The following GANC variants were observed in gnomAD, a reference collection of about 807,000 sequenced individuals.
GANC encodes neutral alpha-glucosidase C.
A neutral mutation model predicts 124.2 loss-of-function variants in GANC; 117 were observed. The ratio of observed to expected loss-of-function variants is 0.94; its 90% CI spans 0.81 to 1.10. The LOEUF (loss-of-function observed/expected upper bound fraction) is 1.10, where lower values mean the gene tolerates loss of function less well. Among genes scored for constraint, GANC ranks in the 50% least tolerant of loss-of-function variants. The pLI is 0.00. For synonymous variants in GANC, 377 were observed against 376.8 expected (o/e 1.00, Z -0.01); for missense variants, 1,140 against 1,095.0 (o/e 1.04, Z -0.58).
At chr15:42,285,794 C>G (rs1491000592) in intron 3 of GANC, among the ~76,000 whole-genome samples, 2 of 152,024 alleles carry the variant, frequency 1.3e-5, no homozygotes, top group Non-Finnish European at 2.9e-5. Context: ...GACTCCATCT[C>G]AAAATAAATA....
At chr15:42,300,038 C>G (rs999323837) in intron 6 of GANC, among the ~76,000 whole-genome samples, 1 of 152,182 alleles carries the variant, frequency 6.6e-6, no homozygotes, top group African/African-American at 2.4e-5. Flanking sequence ...CAATACCATT[C>G]AGGACATAGG....
chr15:42,327,363 G>T lies in GANC; in HGVS notation c.1421G>T (p.Gly474Val). The T allele has an allele frequency of 6.2e-7, 1 of 1,611,164 alleles. No homozygotes were observed. The highest frequency in any genetic ancestry group is 8.5e-7 in the Non-Finnish European group (1 of 1,178,182). The change falls in exon 13 of 24, where the codon GGT becomes GTT. Residue 474 changes from glycine to valine, a missense_variant and splice_region_variant. Gly to Val is a moderately radical substitution (Grantham distance 109, BLOSUM62 -3). Coordinates refer to ENST00000318010, the MANE Select transcript of GANC (RefSeq NM_198141.3). ...GEDFEGVCWP[G>V]LSSYLDFTNP... ...GCTATCTACTGTTCTGCCTCCACAG[G>T]TCTCTCCTCTTACCTGGATTTCACC...
chr15:42,340,012 G>C (rs2052317669), intron 17 of GANC, 100 bp downstream of exon 17: 1 of 1,424,856 alleles, frequency 7.0e-7, no homozygotes, highest in South Asian at 1.4e-5. Flanking sequence ...TCAAGAGAAA[G>C]GTGAAGAAAA....
chr15:42,351,513 G>A (rs1408322692), intron 23 of GANC, 81 bp downstream of exon 23: 8 of 984,120 alleles, frequency 8.1e-6, no homozygotes, highest in Admixed American at 5.4e-5. Context: ...GTCCCCAAAC[G>A]GAGATAATAT....
chr15:42,302,657 T>C (rs1372315189), intron 6 of GANC, among the ~76,000 whole-genome samples: 1 of 151,970 alleles, frequency 6.6e-6, no homozygotes, highest in East Asian at 1.9e-4. Context: ...GAGAAGAACA[T>C]AAATGACCTG....
chr15:42,293,281 A>C (rs1026794869), intron 5 of GANC, among the ~76,000 whole-genome samples: 1 of 152,200 alleles, frequency 6.6e-6, no homozygotes, highest in Admixed American at 6.5e-5. Context: ...CTAGACTTGA[A>C]TAGTTGTCCA....
At chr15:42,347,001 T>C (rs1265812664) in intron 20 of GANC, among the ~76,000 whole-genome samples, 21 of 152,150 alleles carry the variant, frequency 1.4e-4, no homozygotes, top group Admixed American at 1.4e-3. Flanking sequence ...TTAACAATTA[T>C]CTACTCTAAT....
Position 42,273,907 on chromosome 15 carries a change from G to A in GANC, c.-575G>A, listed in dbSNP as rs2051620205. The A allele has an allele frequency of 5.2e-6, 1 of 193,864 alleles. No homozygotes were observed. The highest frequency in any genetic ancestry group is 1.1e-5 in the Non-Finnish European group (1 of 92,660). The allele number at this position is 193,864 out of a possible 1,614,324, so 12.0% of individuals were successfully genotyped here. ...GTGGAGTACACGCGATTCCTAGACT[G>A]GGTAGTGTAACAACCTTCAAAGGCC... On this transcript the variant is annotated 5_prime_UTR_variant, in exon 1 of 24. Transcript: ENST00000318010.
chr15:42,315,383 C>T lies in GANC; in HGVS notation c.1057+4537C>T, dbSNP rs147218875. Among the ~76,000 whole-genome samples, 20 of 152,246 alleles carry T rather than the reference C, an allele frequency of 1.3e-4. No individual in the cohort carries two copies. In the East Asian group the frequency reaches 3.7e-3, roughly 28 times the overall value. ...AAGATAAATAAGTGAACAACAAACACATGAAAATATGCTCAGCATTGTTAG... is the reference window on the plus strand; with the variant it reads ...AAGATAAATAAGTGAACAACAAACATATGAAAATATGCTCAGCATTGTTAG... On this transcript the variant is annotated intron_variant, in intron 10 of 23. Transcript: ENST00000318010.
intron 3 of GANC, among the ~76,000 whole-genome samples, chr15:42,287,114 G>A (rs2051796600): frequency 6.6e-6 from 1 of 152,180 alleles, no homozygotes; most frequent in African/African-American, 2.4e-5. Flanking sequence ...CCAGCCTCTT[G>A]TAAAAGTTCC....
At chr15:42,338,539 G>A (rs1470925199) in intron 16 of GANC, 49 bp downstream of exon 16, 3 of 1,325,774 alleles carry the variant, frequency 2.3e-6, no homozygotes, top group Admixed American at 3.4e-5. Context: ...AAAAAATGAG[G>A]GTGTTTTCAT....
rs1451257967 is a variant in GANC, at chr15:42,286,429, G to A, written c.202-1262G>A. 2.6e-5 allele frequency among the ~76,000 whole-genome samples: 4 copies of A among 152,166 alleles called. 1 individual carries two copies. In the East Asian group the frequency reaches 7.7e-4, roughly 29 times the overall value. On this transcript the variant is annotated intron_variant, in intron 3 of 23. Coordinates refer to ENST00000318010, the MANE Select transcript of GANC (RefSeq NM_198141.3). ...AGCAATGGAAACACATGTTTAAATA[G>A]TGAGAAAATACATAATCTAACAGAA...
At chr15:42,334,389 T>C (rs544633357) in intron 15 of GANC, among the ~76,000 whole-genome samples, 3 of 152,268 alleles carry the variant, frequency 2.0e-5, no homozygotes, top group East Asian at 3.9e-4. Flanking sequence ...CTTAAACTCT[T>C]GACCTCAAGT....
chr15:42,296,217 T>G (rs1354291600), intron 5 of GANC, among the ~76,000 whole-genome samples: 1 of 152,102 alleles, frequency 6.6e-6, no homozygotes, highest in East Asian at 1.9e-4. Context: ...TATCCCTTTT[T>G]ATCCCCCCAA....
At chr15:42,342,187 GA>G (rs1312386529) in intron 18 of GANC, among the ~76,000 whole-genome samples, 1 of 152,104 alleles carries the variant, frequency 6.6e-6, no homozygotes, top group Non-Finnish European at 1.5e-5. Context: ...GTAGGCACTC[GA>G]AATAAGTATT....
At chr15:42,346,142 A>G (rs1397425682) in intron 20 of GANC, among the ~76,000 whole-genome samples, 1 of 152,152 alleles carries the variant, frequency 6.6e-6, no homozygotes, top group Non-Finnish European at 1.5e-5. Flanking sequence ...CATCCTTATG[A>G]CCACATTTTT....
intron 1 of GANC, 52 bp from the exon 2 acceptor site, chr15:42,276,296 G>C (rs545183599): frequency 2.4e-6 from 2 of 848,046 alleles, no homozygotes; most frequent in Non-Finnish European, 4.0e-6. Flanking sequence ...TACAAAAGTT[G>C]GATTCACAAG....
intron 3 of GANC, 137 bp downstream of exon 3, chr15:42,278,727 C>A (rs1236384411): frequency 3.3e-6 from 2 of 599,472 alleles, no homozygotes; most frequent in Non-Finnish European, 5.7e-6. Context: ...TGATTAGTGG[C>A]TCACGCCTGT....
intron 3 of GANC, chr15:42,283,943 G>A (rs1366721388): frequency 4.3e-6 from 3 of 702,594 alleles, no homozygotes; most frequent in Non-Finnish European, 7.8e-6. Flanking sequence ...ATCAGTGCTT[G>A]CAATAAACCA....
Sources: gnomAD v4.1 joint callset for allele counts (sites outside exome capture counted in the v4.1 genomes callset) on GRCh38, gnomAD v4.1.1 for gene constraint, MANE v1.5 for transcripts, NCBI Gene and HGNC (gene_info 2026-07-23, HGNC 2026-07-21) for gene names.